SH3TC2: variants seen among roughly 807,000 people sequenced by gnomAD.
SH3TC2 encodes the protein SH3 domain and tetratricopeptide repeat-containing protein 2.
In SH3TC2, 87 loss-of-function variants were observed where a neutral mutation model predicts 124.5. That is an observed-to-expected ratio of 0.70 (90% CI 0.59 to 0.84). The LOEUF (loss-of-function observed/expected upper bound fraction) is 0.84, where lower values mean the gene tolerates loss of function less well. Ranked by LOEUF, SH3TC2 falls within the 40% of genes least tolerant of loss-of-function variation. SH3TC2 has a pLI of 0.00. For synonymous variants in SH3TC2, 634 were observed against 628.5 expected (o/e 1.01, Z -0.13); for missense variants, 1,536 against 1,566.4 (o/e 0.98, Z 0.33).
intron 5 of SH3TC2, among the ~76,000 whole-genome samples, chr5:149,041,926 T>C (rs1430963454): frequency 6.6e-6 from 1 of 152,242 alleles, no homozygotes; most frequent in Admixed American, 6.5e-5. Flanking sequence ...ATATTTATAT[T>C]TAATAGAATT....
rs193112784 is a variant in SH3TC2, at chr5:149,022,817, A to C, written c.3053+3755T>G. ...GGACAAATACTGTATGATACCATTT[A>C]TATCAAATGTCCAGAATAGGCAAAT... On this transcript the variant is annotated intron_variant, in intron 12 of 16. Transcript: ENST00000515425. Among the ~76,000 whole-genome samples, 7 of 152,368 alleles carry C rather than the reference A, an allele frequency of 4.6e-5. No individual in the cohort carries two copies. The East Asian group carries it at 1.2e-3, about 25-fold the overall frequency.
Position 148,993,653 on chromosome 5 carries a change from G to A in SH3TC2, c.*11058C>T, listed in dbSNP as rs1440634370. ...AAAATGACAGTTCCAATAAAGGGAG[G>A]TCACAACTTCCTGTGACTGTGCTTG... On this transcript the variant is annotated 3_prime_UTR_variant, in exon 17 of 17. Coordinates refer to ENST00000515425, the MANE Select transcript of SH3TC2 (RefSeq NM_024577.4). Among the ~76,000 whole-genome samples the A allele has an allele frequency of 6.6e-6, 1 of 152,140 alleles. No homozygotes were observed. The highest frequency in any genetic ancestry group is 1.9e-4 in the East Asian group (1 of 5,194).
intron 1 of SH3TC2, among the ~76,000 whole-genome samples, chr5:149,054,827 C>A (rs1040889194): frequency 4.6e-5 from 7 of 152,116 alleles, no homozygotes; most frequent in Non-Finnish European, 1.0e-4. Flanking sequence ...TGAGTGTATC[C>A]CTGCTGTAGA....
In SH3TC2 at chr5:149,050,337, G is replaced by A. The variant is rs571089723; in HGVS notation, c.151+1805C>T. Among the ~76,000 whole-genome samples, 3 of 152,282 alleles carry A rather than the reference G, an allele frequency of 2.0e-5. No individual in the cohort carries two copies. The South Asian group carries it at 6.2e-4, about 32-fold the overall frequency. On this transcript the variant is annotated intron_variant, in intron 2 of 16. Coordinates refer to ENST00000515425, the MANE Select transcript of SH3TC2 (RefSeq NM_024577.4). ...GTCAGTTCTGTAATTGTGATAATAT[G>A]TCTGACTGATTCTGTCTGCAACTGT...
chr5:149,005,630 C>T (rs982248868), intron 16 of SH3TC2, among the ~76,000 whole-genome samples: 1 of 152,106 alleles, frequency 6.6e-6, no homozygotes, highest in African/African-American at 2.4e-5. Flanking sequence ...GCTTCACTAC[C>T]CCCGGCCCTC....
chr5:149,033,774 G>T (rs1227821190), intron 8 of SH3TC2, among the ~76,000 whole-genome samples: 1 of 152,138 alleles, frequency 6.6e-6, no homozygotes, highest in Admixed American at 6.5e-5. Context: ...GGACGTGTGG[G>T]ATCTGAATTT....
At position 149,038,478 on chromosome 5, in the gene SH3TC2, C is replaced by T; in HGVS notation, c.818G>A (p.Cys273Tyr). 2.5e-6 allele frequency: 4 copies of T among 1,614,046 alleles called. No individual in the cohort carries two copies. The South Asian group carries it at 3.3e-5, about 13-fold the overall frequency. Residue 273 changes from cysteine to tyrosine, a missense_variant, in exon 8 of 17, where the codon TGT becomes TAT. By Grantham distance (194) the Cys-to-Tyr change is radical. Around this residue, in one of 3 missense-constraint regions of SH3TC2, gnomAD observed 1,102 missense variants for 1,098.6 expected, o/e 1.00. Transcript: ENST00000515425. The stretch of plus-strand genomic sequence containing the variant: ...TGGCTCATAACCCGTCAAGGCCTTA[C>T]AGCGTCCTCTGCCTGTGGAAAATAG... ...TGSYQIGRGR[C>Y]KALTGYEPGE...
intron 12 of SH3TC2, among the ~76,000 whole-genome samples, chr5:149,017,773 T>C (rs1753900284): frequency 6.6e-6 from 1 of 152,180 alleles, no homozygotes; most frequent in Non-Finnish European, 1.5e-5. Flanking sequence ...ACCTATTTCT[T>C]TTGCCTAGGG....
At position 149,027,803 on chromosome 5, in the gene SH3TC2, G is replaced by A. The variant is rs749884072; in HGVS notation, c.1929C>T (p.Leu643=). Residue 643 remains leucine (L), a synonymous_variant, in exon 11 of 17, where the codon CTC becomes CTT. Coordinates refer to ENST00000515425, the MANE Select transcript of SH3TC2 (RefSeq NM_024577.4). ...CCTCCTCGTGCCGGCCTAGGCTCAGGAGCAAGCGGATGGCCAGAAAGCAGG... is the reference window on the plus strand; with the variant it reads ...CCTCCTCGTGCCGGCCTAGGCTCAGAAGCAAGCGGATGGCCAGAAAGCAGG... ...ARACFLAIRL[L]LSLGRHEEVL... The A allele has an allele frequency of 4.3e-6, 7 of 1,613,840 alleles. No individual in the cohort carries two copies. The East Asian group carries it at 1.3e-4, about 31-fold the overall frequency.
rs1753470213 is a variant in SH3TC2 at position 148,994,449 on chromosome 5, A to T, written c.*10262T>A. ...GAATAATAGGTAAGTTTATCAGAGG[A>T]CTCTGACTTGCCCTGGAGCCCATAG... On this transcript the variant is annotated 3_prime_UTR_variant, in exon 17 of 17. Transcript: ENST00000515425. Among the ~76,000 whole-genome samples the T allele has an allele frequency of 6.6e-6, 1 of 152,152 alleles. No individual in the cohort carries two copies. The highest frequency in any genetic ancestry group is 2.4e-5 in the African/African-American group (1 of 41,420).
In SH3TC2 at chr5:148,994,643, G is replaced by C. The variant is rs1042787317; in HGVS notation, c.*10068C>G. On this transcript the variant is annotated 3_prime_UTR_variant, in exon 17 of 17. Transcript: ENST00000515425. ...GGTTGGTTGGTTGGTTGGTTGGTTG[G>C]TTGGTTGGTTGGTTGGTTAATTGGC... Among the ~76,000 whole-genome samples the C allele has an allele frequency of 6.6e-6, 1 of 151,128 alleles. No individual in the cohort carries two copies. Among genetic ancestry groups the C allele is most frequent in the East Asian group, 1.9e-4 (1 of 5,158 alleles).
intron 9 of SH3TC2, among the ~76,000 whole-genome samples, chr5:149,029,732 CG>C (rs1403103901): frequency 6.6e-6 from 1 of 152,062 alleles, no homozygotes; most frequent in East Asian, 1.9e-4. Flanking sequence ...CAAGTGCAAC[CG>C]GACTAGGTAA....
intron 1 of SH3TC2, among the ~76,000 whole-genome samples, chr5:149,052,621 G>C (rs543554108): frequency 1.3e-5 from 2 of 152,326 alleles, no homozygotes; most frequent in East Asian, 3.9e-4. Flanking sequence ...CTGGAGTGGA[G>C]ACAGACATTG....
chr5:149,044,262 T>A (rs374102929), intron 4 of SH3TC2: 8 of 408,308 alleles, frequency 2.0e-5, no homozygotes, highest in South Asian at 1.1e-4. Flanking sequence ...AGATGACCAA[T>A]AACTGTTTTC....
In SH3TC2 at chr5:149,002,603, T is replaced by C. The variant is rs2127390750; in HGVS notation, c.*2108A>G. On this transcript the variant is annotated 3_prime_UTR_variant, in exon 17 of 17. Coordinates refer to ENST00000515425, the MANE Select transcript of SH3TC2 (RefSeq NM_024577.4). Reference sequence around the variant, plus strand: ...TCACCACTCCCATCTCACCCTTTCATACAACCAATCATCTGGTCAGCCCAA... The same window carrying C: ...TCACCACTCCCATCTCACCCTTTCACACAACCAATCATCTGGTCAGCCCAA... The C allele has an allele frequency of 6.6e-6, 1 of 152,044 alleles. No homozygotes were observed. Among genetic ancestry groups the C allele is most frequent in the African/African-American group, 2.4e-5 (1 of 41,306 alleles). The allele number at this position is 152,044 out of a possible 1,614,324, so 9.4% of individuals were successfully genotyped here.
In SH3TC2 at chr5:149,027,491, A is replaced by G. The variant is rs779264091; in HGVS notation, c.2241T>C (p.Cys747=). ...CPMLRQALAA[C]EELADRSTQR... is the part of the protein sequence containing the mutation. ...GGGTGCTCCGGTCTGCTAGTTCCTC[A>G]CAGGCAGCCAGGGCCTGTCTGAGCA... The change falls in exon 11 of 17, where the codon TGT becomes TGC. Residue 747 remains cysteine (C), a synonymous_variant. Transcript: ENST00000515425. 2 of 1,614,182 alleles carry G rather than the reference A, an allele frequency of 1.2e-6. No homozygotes were observed. The highest frequency in any genetic ancestry group is 3.3e-5 in the Admixed American group (2 of 60,028).
At chr5:149,009,047 A>G (rs991736408) in intron 14 of SH3TC2, 46 bp from the exon 15 acceptor site, 3 of 1,612,490 alleles carry the variant, frequency 1.9e-6, no homozygotes, top group South Asian at 1.1e-5. Context: ...AGGAATCCTC[A>G]GTGCATACCA....
rs186864272 is a variant in SH3TC2, at chr5:149,027,918, C to T, written c.1814G>A (p.Arg605His). 4.0e-5 allele frequency: 64 copies of T among 1,614,054 alleles called. No individual in the cohort carries two copies. The East Asian group carries it at 8.9e-4, about 22-fold the overall frequency. ...GAGTTCATGCTTGGCACTAGACTCA[C>T]GGTCAGGCAGGCAGGCCAGCAGGGC... ...AGALLACLPD[R>H]ESSAKHELDV... Residue 605 changes from arginine (R) to histidine (H), a missense_variant, in exon 11 of 17, where the codon CGT (arginine) becomes CAT (histidine). Arg to His is a conservative substitution (Grantham distance 29). Transcript: ENST00000515425.
chr5:149,005,042 C>T, intron 16 of SH3TC2, 140 bp from the exon 17 acceptor site: 2 of 990,192 alleles, frequency 2.0e-6, no homozygotes, highest in Non-Finnish European at 3.1e-6. Flanking sequence ...ATCCCCATCT[C>T]CTGAGTCCTT....
Sources: allele counts gnomAD v4.1 joint callset (sites outside exome capture counted in the v4.1 genomes callset), GRCh38; gene constraint gnomAD v4.1.1; regional missense constraint gnomAD v4.1.1; transcripts MANE v1.5; gene names NCBI Gene and HGNC (gene_info 2026-07-23, HGNC 2026-07-21).